Variants in LARS2 observed in about 807,000 individuals in gnomAD.
LARS2 encodes the protein leucyl-tRNA synthetase 2, mitochondrial, also known as leucine--tRNA ligase, mitochondrial.
A neutral mutation model predicts 116.6 loss-of-function variants in LARS2; 81 were observed. That is an observed-to-expected ratio of 0.69 (90% confidence interval 0.58 to 0.84). The LOEUF (loss-of-function observed/expected upper bound fraction) is 0.84, where lower values mean the gene tolerates loss of function less well. Among genes scored for constraint, LARS2 ranks in the 40% least tolerant of loss-of-function variants. The pLI, the probability that LARS2 is intolerant of heterozygous loss-of-function variation, is 0.00. For missense variants in LARS2, 968 were observed against 1,114.5 expected, an observed-to-expected ratio of 0.87 and a Z score of 1.87; for synonymous variants, 396 against 407.2, an observed-to-expected ratio of 0.97 and a Z score of 0.33.
intron 4 of LARS2, among the ~76,000 whole-genome samples, chr3:45,416,337 A>G (rs986315585): frequency 1.3e-5 from 2 of 150,902 alleles, no homozygotes; most frequent in Non-Finnish European, 3.0e-5. Flanking sequence ...CAATCAGGGG[A>G]GAGAGAGAGA....
At chr3:45,444,558 GTA>G (rs1471299111) in intron 6 of LARS2, among the ~76,000 whole-genome samples, 2 of 142,046 alleles carry the variant, frequency 1.4e-5, no homozygotes, top group East Asian at 4.2e-4. Context: ...CAGCTACTTG[GTA>G]GGCTGAGGCA....
chr3:45,505,038 G>A (rs538617870), intron 15 of LARS2, among the ~76,000 whole-genome samples: 1 of 151,552 alleles, frequency 6.6e-6, no homozygotes, highest in South Asian at 2.1e-4. Flanking sequence ...CCAAGATCGT[G>A]CCACTGCACT....
intron 11 of LARS2, among the ~76,000 whole-genome samples, chr3:45,487,170 T>C (rs1699829211): frequency 6.6e-6 from 1 of 152,218 alleles, no homozygotes; most frequent in East Asian, 1.9e-4. Flanking sequence ...TTACAGTGTC[T>C]CCTTTTAAAC....
At chr3:45,541,598 C>T (rs1201297647) in intron 20 of LARS2, 1 of 528,972 alleles carries the variant, frequency 1.9e-6, no homozygotes, top group Non-Finnish European at 3.3e-6. Context: ...AATGGCTTAT[C>T]CATCCATCTT....
At chr3:45,533,089 T>G (rs2125765529) in intron 20 of LARS2, among the ~76,000 whole-genome samples, 1 of 151,454 alleles carries the variant, frequency 6.6e-6, no homozygotes, top group East Asian at 1.9e-4. Flanking sequence ...TTTATTATCT[T>G]CTTAAGCAGG....
At chr3:45,545,576 A>G (rs557591889) in intron 21 of LARS2, among the ~76,000 whole-genome samples, 1 of 152,280 alleles carries the variant, frequency 6.6e-6, no homozygotes, top group South Asian at 2.1e-4. Context: ...TGGTAAGGCA[A>G]CTCAGGGGAG....
At chr3:45,512,917 C>T (rs764335547) in intron 15 of LARS2, among the ~76,000 whole-genome samples, 3 of 152,078 alleles carry the variant, frequency 2.0e-5, no homozygotes, top group African/African-American at 2.4e-5. Context: ...TTTGGGGGGC[C>T]GAGGCAGGTG....
intron 16 of LARS2, among the ~76,000 whole-genome samples, chr3:45,513,927 A>G (rs1298213023): frequency 6.6e-6 from 1 of 152,164 alleles, no homozygotes; most frequent in East Asian, 1.9e-4. Context: ...GGGTAGGGGC[A>G]AGGTGTGGTA....
intron 19 of LARS2, among the ~76,000 whole-genome samples, chr3:45,523,450 A>G (rs1256515208): frequency 1.3e-5 from 2 of 151,928 alleles, no homozygotes; most frequent in South Asian, 2.1e-4. Context: ...CATCTGTCCA[A>G]TGGGGTAAGA....
chr3:45,459,204 G>A (rs1699269822), intron 8 of LARS2, among the ~76,000 whole-genome samples: 1 of 151,536 alleles, frequency 6.6e-6, no homozygotes, highest in African/African-American at 2.4e-5. Flanking sequence ...GAGAGAGGGG[G>A]GCCTTTAAAA....
chr3:45,430,831 C>G (rs1698699912), intron 6 of LARS2, among the ~76,000 whole-genome samples: 1 of 151,840 alleles, frequency 6.6e-6, no homozygotes, highest in Non-Finnish European at 1.5e-5. Flanking sequence ...ATGATCCGCC[C>G]ATCTCGGCCT....
intron 4 of LARS2, among the ~76,000 whole-genome samples, chr3:45,407,303 G>T (rs189426394): frequency 6.6e-6 from 1 of 152,354 alleles, no homozygotes; most frequent in East Asian, 1.9e-4. Flanking sequence ...CCCGGAGAGT[G>T]CATAGCATGG....
chr3:45,544,872 G>T (rs188743653), intron 21 of LARS2, among the ~76,000 whole-genome samples: 1 of 152,166 alleles, frequency 6.6e-6, no homozygotes, highest in South Asian at 2.1e-4. Context: ...ACAAACATAG[G>T]GGGGCAGGCC....
rs535608571 is a variant in LARS2 at position 45,516,065 on chromosome 3, C to T, written c.1862-29C>T. The T allele has an allele frequency of 1.9e-6, 3 of 1,593,426 alleles. No homozygotes were observed. The African/African-American group carries it at 4.0e-5, about 21-fold the overall frequency. ...TAGAAGCAATTCACAATGACACATACCATACCTATGGATTATTTTGGCATC... is the reference window on the plus strand; with the variant it reads ...TAGAAGCAATTCACAATGACACATATCATACCTATGGATTATTTTGGCATC... On this transcript the variant is annotated intron_variant, in intron 16 of 21. Coordinates refer to ENST00000645846, the MANE Select transcript of LARS2 (RefSeq NM_015340.4).
chr3:45,419,756 T>C (rs1205899590), intron 6 of LARS2, 27 bp downstream of exon 6: 1 of 1,591,698 alleles, frequency 6.3e-7, no homozygotes, highest in East Asian at 2.2e-5. Flanking sequence ...TCCTGAAAGG[T>C]CGTCATTTTA....
intron 15 of LARS2, among the ~76,000 whole-genome samples, chr3:45,502,345 T>G (rs1373706082): frequency 6.6e-6 from 1 of 152,098 alleles, no homozygotes. Flanking sequence ...TGGCTTGTCT[T>G]GTTTTTATGG....
At chr3:45,476,784 A>G (rs1298946357) in intron 10 of LARS2, among the ~76,000 whole-genome samples, 157 bp downstream of exon 10, 1 of 152,192 alleles carries the variant, frequency 6.6e-6, no homozygotes, top group East Asian at 1.9e-4. Context: ...ACATGAGGAT[A>G]AAAAAGAGCT....
At position 45,487,088 on chromosome 3, in the gene LARS2, C is replaced by T. The variant is rs541133502; in HGVS notation, c.1123+1292C>T. Among the ~76,000 whole-genome samples, 8 of 152,304 alleles carry T rather than the reference C, an allele frequency of 5.3e-5. No homozygotes were observed. The South Asian group carries it at 1.7e-3, about 32-fold the overall frequency. On this transcript the variant is annotated intron_variant, in intron 11 of 21. Transcript: ENST00000645846. The stretch of plus-strand genomic sequence containing the variant: ...CACCTGCACTGTTAGAAATAGTTCA[C>T]ATTCAACTGAGCACAACATGACTAC...
chr3:45,433,695 C>CT (rs1456688799), intron 6 of LARS2, among the ~76,000 whole-genome samples: 1 of 152,184 alleles, frequency 6.6e-6, no homozygotes, highest in Admixed American at 6.5e-5. Flanking sequence ...TCTCATTGCT[C>CT]TTTTTTTATT....
Sources: gnomAD v4.1 joint callset for allele counts (sites outside exome capture counted in the v4.1 genomes callset) on GRCh38, gnomAD v4.1.1 for gene constraint, MANE v1.5 for transcripts, NCBI Gene and HGNC (gene_info 2026-07-23, HGNC 2026-07-21) for gene names.